Variants in PRKN observed in about 807,000 individuals in gnomAD.
PRKN encodes the protein E3 ubiquitin-protein ligase parkin.
A neutral mutation model predicts 59.5 loss-of-function variants in PRKN; 56 were observed. The ratio of observed to expected loss-of-function variants is 0.94; its 90% CI spans 0.76 to 1.18. The LOEUF is 1.18. Among genes scored for constraint, PRKN ranks in the 50% most tolerant of loss-of-function variants. The probability of loss-of-function intolerance (pLI) is 0.00; values close to 1 mark genes in which losing one functional copy is unlikely to be tolerated. For missense variants in PRKN, 657 were observed against 596.4 expected, an observed-to-expected ratio of 1.10 and a Z score of -1.06; for synonymous variants, 250 against 222.1, an observed-to-expected ratio of 1.13 and a Z score of -1.12.
chr6:162,390,392 T>TATATAC (rs1178041442), intron 2 of PRKN, among the ~76,000 whole-genome samples: 1 of 123,478 alleles, frequency 8.1e-6, no homozygotes, highest in Non-Finnish European at 1.6e-5. Context: ...TATATATATA[T>TATATAC]ATATACACAC....
chr6:161,707,153 G>C (rs962314973), intron 7 of PRKN, among the ~76,000 whole-genome samples: 8 of 152,096 alleles, frequency 5.3e-5, no homozygotes, highest in Non-Finnish European at 8.8e-5. Flanking sequence ...TAATTTCCAA[G>C]GGGATATTAT....
chr6:161,886,818 G>C (rs1429178764), intron 6 of PRKN, among the ~76,000 whole-genome samples: 1 of 151,640 alleles, frequency 6.6e-6, no homozygotes, highest in African/African-American at 2.4e-5. Context: ...AGTTTTTCTT[G>C]TTTCATTTAT....
At chr6:161,795,911 G>C (rs1404499602) in intron 6 of PRKN, among the ~76,000 whole-genome samples, 2 of 152,034 alleles carry the variant, frequency 1.3e-5, no homozygotes, top group Non-Finnish European at 2.9e-5. Context: ...TGCTGTATAC[G>C]GTATTTTCAT....
At chr6:161,512,501 C>T (rs553418663) in intron 9 of PRKN, among the ~76,000 whole-genome samples, 49 of 152,338 alleles carry the variant, frequency 3.2e-4, no homozygotes, top group East Asian at 3.9e-4. Flanking sequence ...ACACCTTTGA[C>T]GTGCTAACAA....
chr6:162,679,852 A>T (rs1779702038), intron 1 of PRKN, among the ~76,000 whole-genome samples: 2 of 152,114 alleles, frequency 1.3e-5, no homozygotes, highest in Admixed American at 1.3e-4. Flanking sequence ...TTTAAAAATG[A>T]AGATTATGAG....
chr6:162,153,227 T>C (rs1782350259), intron 4 of PRKN, among the ~76,000 whole-genome samples: 1 of 152,222 alleles, frequency 6.6e-6, no homozygotes, highest in Non-Finnish European at 1.5e-5. Context: ...ACAAGCCTGC[T>C]CCTTCGGCAC....
chr6:162,568,582 AG>A, intron 1 of PRKN: 1 of 848,242 alleles, frequency 1.2e-6, no homozygotes, highest in Non-Finnish European at 2.0e-6. Flanking sequence ...CAGGAGAAGG[AG>A]AAGGAGCAGA....
chr6:162,387,549 CACACACAGAG>C (rs1315159682), intron 2 of PRKN, among the ~76,000 whole-genome samples: 1 of 75,448 alleles, frequency 1.3e-5, no homozygotes, highest in Non-Finnish European at 2.4e-5. Context: ...CACACACACA[CACACACAGAG>C]AGAGAGAGAG....
intron 6 of PRKN, among the ~76,000 whole-genome samples, chr6:161,891,460 T>C (rs1795340884): frequency 1.3e-5 from 2 of 152,178 alleles, no homozygotes; most frequent in South Asian, 4.1e-4. Flanking sequence ...TGACTGAAAA[T>C]TGGGTATCAA....
At chr6:161,685,630 G>A (rs988924833) in intron 7 of PRKN, among the ~76,000 whole-genome samples, 4 of 152,270 alleles carry the variant, frequency 2.6e-5, no homozygotes, top group African/African-American at 4.8e-5. Context: ...TGTGCAGCCC[G>A]GTTCCTAACA....
chr6:162,576,561 C>A (rs1160028469), intron 1 of PRKN, among the ~76,000 whole-genome samples: 1 of 152,062 alleles, frequency 6.6e-6, no homozygotes, highest in African/African-American at 2.4e-5. Flanking sequence ...CCTGTAATTC[C>A]AGCACTTTGG....
rs889284934 is a variant in PRKN at position 161,488,499 on chromosome 6, A to T, written c.1083+60355T>A. ...ATCTGAATTTATTATATTTTAATTA[A>T]TTTTTTTAGAGATAGGGTCTTCCTC... On this transcript the variant is annotated intron_variant, in intron 9 of 11. Coordinates refer to ENST00000366898, the MANE Select transcript of PRKN (RefSeq NM_004562.3). The surrounding 1 kb of genome is among the most constrained non-coding windows in gnomAD (Gnocchi z 4.5). Among the ~76,000 whole-genome samples, 7 of 152,254 alleles carry T rather than the reference A, an allele frequency of 4.6e-5. No individual in the cohort carries two copies. The highest frequency in any genetic ancestry group is 2.4e-5 in the African/African-American group (1 of 41,552).
chr6:161,689,044 CTCAG>C (rs1197333830), intron 7 of PRKN, among the ~76,000 whole-genome samples: 1 of 152,164 alleles, frequency 6.6e-6, no homozygotes, highest in East Asian at 1.9e-4. Flanking sequence ...ATAATCTGTT[CTCAG>C]TCAAAGAGAA....
rs1035331015 is a variant in PRKN, at chr6:162,675,023, C to G, written c.7+52639G>C. On this transcript the variant is annotated intron_variant, in intron 1 of 11. Coordinates refer to ENST00000366898, the MANE Select transcript of PRKN (RefSeq NM_004562.3). ...ATTTTGGGGCGGCAGAGAAAGAAGA[C>G]TTTATTTTATTTATTTATTTATTTA... 4.8e-5 allele frequency among the ~76,000 whole-genome samples: 6 copies of G among 124,794 alleles called. No homozygotes were observed. In the Admixed American group the frequency reaches 5.5e-4, roughly 11 times the overall value. 81.9% of individuals were successfully genotyped at this position (124,794 alleles called of 152,430 possible). A position where few individuals can be genotyped will look rare whatever the true frequency, so the allele number is the denominator to read the frequency against.
At position 161,369,317 on chromosome 6, in the gene PRKN, G is replaced by A. The variant is rs1177884391; in HGVS notation, c.1168-9112C>T. 6.6e-6 allele frequency among the ~76,000 whole-genome samples: 1 copy of A among 152,134 alleles called. No homozygotes were observed. The highest frequency in any genetic ancestry group is 1.5e-5 in the Non-Finnish European group (1 of 68,036). On this transcript the variant is annotated intron_variant, in intron 10 of 11. Transcript: ENST00000366898. This position sits in a 1 kb window ranked among gnomAD's most constrained non-coding sequence, Gnocchi z 5.8. The stretch of plus-strand genomic sequence containing the variant: ...GATTGGGATTCAGTAGGTCTGTGGC[G>A]GGGTACAGAAATTAGAATCCCTAAA...
chr6:162,138,012 A>G (rs1781620714), intron 4 of PRKN, among the ~76,000 whole-genome samples: 1 of 152,024 alleles, frequency 6.6e-6, no homozygotes, highest in South Asian at 2.1e-4. Flanking sequence ...AGGAAGGGAG[A>G]CACCAAACAA....
rs1781809078 is a variant in PRKN, at chr6:161,593,695, G to A, written c.872-24279C>T. On this transcript the variant is annotated intron_variant, in intron 7 of 11. Coordinates refer to ENST00000366898, the MANE Select transcript of PRKN (RefSeq NM_004562.3). This position sits in a 1 kb window ranked among gnomAD's most constrained non-coding sequence, Gnocchi z 4.8. ...CTTCTACTGAGAGTAGGAAGACTGG[G>A]GAAGAGCGAGAGAGGGCTCGAGGAG... Among the ~76,000 whole-genome samples the A allele has an allele frequency of 6.6e-6, 1 of 152,194 alleles. No homozygotes were observed. Among genetic ancestry groups the A allele is most frequent in the Non-Finnish European group, 1.5e-5 (1 of 68,036 alleles).
At chr6:162,254,935 A>C (rs1342115845) in intron 3 of PRKN, among the ~76,000 whole-genome samples, 2 of 152,004 alleles carry the variant, frequency 1.3e-5, no homozygotes, top group African/African-American at 4.8e-5. Context: ...CGAAAATGTA[A>C]CACTCCAGAA....
intron 5 of PRKN, among the ~76,000 whole-genome samples, chr6:162,029,666 A>G (rs2128278682): frequency 6.6e-6 from 1 of 152,270 alleles, no homozygotes; most frequent in East Asian, 1.9e-4. Flanking sequence ...GACCCTGTCC[A>G]ATTTGTTCCC....
Sources: gnomAD v4.1 joint callset for allele counts (sites outside exome capture counted in the v4.1 genomes callset) on GRCh38, gnomAD v4.1.1 for gene constraint, Gnocchi (gnomAD v3.1) non-coding constraint, MANE v1.5 for transcripts, NCBI Gene and HGNC (gene_info 2026-07-23, HGNC 2026-07-21) for gene names.